Variants in NFIB observed in about 807,000 individuals in gnomAD.
The protein encoded by NFIB is nuclear factor 1 B-type.
Under a neutral mutation model 61.5 loss-of-function variants are expected in NFIB, and 11 were observed. The observed-to-expected ratio is 0.18, with a 90% CI of 0.11 to 0.30. The LOEUF is 0.30. NFIB is among the 10% of genes least tolerant of loss of function. NFIB has a pLI of 1.00. For synonymous variants in NFIB, 260 were observed against 216.5 expected (o/e 1.20, Z -1.76); for missense variants, 471 against 608.9 (o/e 0.77, Z 2.38).
At chr9:14,191,761 C>G (rs1464587836) in intron 2 of NFIB, among the ~76,000 whole-genome samples, 2 of 152,180 alleles carry the variant, frequency 1.3e-5, no homozygotes, top group Non-Finnish European at 1.5e-5. Context: ...AGACCAACTT[C>G]AAGCTTTTTA....
the NFIB span, among the ~76,000 whole-genome samples, chr9:14,446,726 CTT>C: frequency 6.6e-6 from 1 of 152,078 alleles, no homozygotes; most frequent in Non-Finnish European, 1.5e-5. Flanking sequence ...TATTCTGTCT[CTT>C]AAATAAATGA....
At chr9:14,399,434 T>C (rs1588424550), upstream of NFIB, among the ~76,000 whole-genome samples, 1 of 152,228 alleles carries the variant, frequency 6.6e-6, no homozygotes, top group Non-Finnish European at 1.5e-5. Flanking sequence ...GAATACTTTT[T>C]TTGGTATAAA....
At chr9:14,464,699 T>A in the NFIB span, among the ~76,000 whole-genome samples, 2 of 151,956 alleles carry the variant, frequency 1.3e-5, no homozygotes, top group African/African-American at 4.8e-5. Context: ...CCAGGGCCCC[T>A]TGGAGAGCTG....
the NFIB span, among the ~76,000 whole-genome samples, chr9:14,507,467 T>C: frequency 2.6e-5 from 4 of 152,208 alleles, no homozygotes; most frequent in South Asian, 2.1e-4. Flanking sequence ...CCTTTAGATA[T>C]ATGTAACATT....
At chr9:14,394,390 A>C (rs1333652352) in intron 1 of NFIB, among the ~76,000 whole-genome samples, 1 of 152,212 alleles carries the variant, frequency 6.6e-6, no homozygotes, top group Non-Finnish European at 1.5e-5. Context: ...TAAAGGAAAG[A>C]GGTTTAATGG....
rs200592024 is a variant in NFIB at position 14,322,147 on chromosome 9, C to T, written c.109-14627G>A. 148 of 1,212,084 alleles carry T rather than the reference C, an allele frequency of 1.2e-4. No individual in the cohort carries two copies. The East Asian group carries it at 3.6e-3, about 29-fold the overall frequency. 75.1% of individuals were successfully genotyped at this position (1,212,084 alleles called of 1,614,324 possible). ...ATGTATTTTTTAATTGTAATTTCTG[C>T]ACTGCCACAGTTCTTGGCCCGAGAA... On this transcript the variant is annotated intron_variant, in intron 1 of 8. Transcript: ENST00000380934.
At chr9:14,487,743 C>T in the NFIB span, among the ~76,000 whole-genome samples, 2 of 152,240 alleles carry the variant, frequency 1.3e-5, no homozygotes, top group Non-Finnish European at 2.9e-5. Flanking sequence ...AGCACCATGG[C>T]TTTCCAAGCT....
intron 2 of NFIB, among the ~76,000 whole-genome samples, chr9:14,206,609 G>A (rs1391519643): frequency 2.1e-5 from 3 of 139,748 alleles, no homozygotes; most frequent in East Asian, 2.2e-4. Context: ...AGAAGAATTC[G>A]ATAAATGTTG....
At chr9:14,458,511 G>A in the NFIB span, among the ~76,000 whole-genome samples, 2 of 152,116 alleles carry the variant, frequency 1.3e-5, no homozygotes, top group Admixed American at 6.5e-5. Flanking sequence ...TGGAAGTTCT[G>A]GCCAGGGCAA....
intron 2 of NFIB, among the ~76,000 whole-genome samples, chr9:14,223,286 G>T (rs914492817): frequency 2.0e-5 from 3 of 152,150 alleles, no homozygotes; most frequent in Non-Finnish European, 1.5e-5. Flanking sequence ...ATTCCCGCAG[G>T]TCACTGAGCT....
At chr9:14,192,388 C>G (rs1182219144) in intron 2 of NFIB, among the ~76,000 whole-genome samples, 7 of 152,134 alleles carry the variant, frequency 4.6e-5, no homozygotes, top group Non-Finnish European at 1.0e-4. Context: ...CTGCCCCAAA[C>G]AATTGCTTTG....
intron 2 of NFIB, among the ~76,000 whole-genome samples, chr9:14,210,986 G>A (rs1175991735): frequency 6.6e-6 from 1 of 152,122 alleles, no homozygotes; most frequent in African/African-American, 2.4e-5. Flanking sequence ...CTGAATTTCT[G>A]CTTCTCTGTA....
chr9:14,497,811 G>T, the NFIB span, among the ~76,000 whole-genome samples: 1 of 152,188 alleles, frequency 6.6e-6, no homozygotes, highest in Admixed American at 6.5e-5. Context: ...TGCAGGAAGA[G>T]TGAGGGTCTT....
At chr9:14,097,054 T>A (rs191959035) in intron 10 of NFIB, among the ~76,000 whole-genome samples, 2 of 152,328 alleles carry the variant, frequency 1.3e-5, no homozygotes, top group Non-Finnish European at 2.9e-5. Context: ...ACCACAGATG[T>A]TGTGCGTCCG....
intron 2 of NFIB, among the ~76,000 whole-genome samples, chr9:14,189,399 G>A (rs1052531240): frequency 6.6e-6 from 1 of 152,154 alleles, no homozygotes; most frequent in Non-Finnish European, 1.5e-5. Flanking sequence ...GCACGAATCA[G>A]TTTTCATCTT....
chr9:14,523,852 A>G, the NFIB span, among the ~76,000 whole-genome samples: 1 of 152,148 alleles, frequency 6.6e-6, no homozygotes, highest in East Asian at 1.9e-4. Flanking sequence ...AGAAATACAA[A>G]CTTATTGCTT....
At position 14,120,915 on chromosome 9, in the gene NFIB, A is replaced by G. The variant is rs1008498891; in HGVS notation, c.1061-291T>C. Among the ~76,000 whole-genome samples the G allele has an allele frequency of 6.6e-6, 1 of 152,180 alleles. No individual in the cohort carries two copies. Among genetic ancestry groups the G allele is most frequent in the Non-Finnish European group, 1.5e-5 (1 of 68,036 alleles). On this transcript the variant is annotated intron_variant, in intron 7 of 10. Coordinates refer to ENST00000380953, the MANE Select transcript of NFIB (RefSeq NM_001190737.2). This position sits in a 1 kb window ranked among gnomAD's most constrained non-coding sequence, Gnocchi z 4.4. ...CTTTTATAGGTTATGTCAATACTTG[A>G]TAAAACACTTCTTTGAGCAAAGATA... is the stretch of plus-strand genomic sequence containing the variant.
At chr9:14,296,007 T>C (rs2059421263) in intron 2 of NFIB, among the ~76,000 whole-genome samples, 1 of 152,226 alleles carries the variant, frequency 6.6e-6, no homozygotes, top group Admixed American at 6.5e-5. Flanking sequence ...CACAACTAGC[T>C]AACTTCATGT....
At chr9:14,225,103 T>G (rs2131867082) in intron 2 of NFIB, among the ~76,000 whole-genome samples, 1 of 152,258 alleles carries the variant, frequency 6.6e-6, no homozygotes, top group Admixed American at 6.5e-5. Context: ...TCAGCACCAT[T>G]CTACTCTGCT....
Sources: gnomAD v4.1 joint callset for allele counts (sites outside exome capture counted in the v4.1 genomes callset) on GRCh38, gnomAD v4.1.1 for gene constraint, Gnocchi (gnomAD v3.1) non-coding constraint, MANE v1.5 for transcripts, NCBI Gene and HGNC (gene_info 2026-07-23, HGNC 2026-07-21) for gene names.